Variants in ADAMTS3 observed in about 807,000 individuals in gnomAD.
ADAMTS3 encodes the protein ADAM metallopeptidase with thrombospondin type 1 motif 3, also known as A disintegrin and metalloproteinase with thrombospondin motifs 3.
Under a neutral mutation model 129.0 loss-of-function variants are expected in ADAMTS3, and 73 were observed. The ratio of observed to expected loss-of-function variants is 0.57; its 90% CI spans 0.47 to 0.69. The LOEUF is 0.69. ADAMTS3 is among the 30% of genes least tolerant of loss of function. The pLI is 0.00. For synonymous variants in ADAMTS3, 477 were observed against 510.8 expected (o/e 0.93, Z 0.89); for missense variants, 1,457 against 1,514.5 (o/e 0.96, Z 0.63).
At chr4:72,432,837 G>T (rs902011988) in intron 3 of ADAMTS3, among the ~76,000 whole-genome samples, 13 of 151,724 alleles carry the variant, frequency 8.6e-5, no homozygotes, top group Non-Finnish European at 1.5e-4. Flanking sequence ...TGTATTACAT[G>T]CCAAGCTTTT....
At chr4:72,567,343 G>T in intron 2 of ADAMTS3, 31 bp downstream of exon 2, 1 of 1,594,484 alleles carries the variant, frequency 6.3e-7, no homozygotes, top group South Asian at 1.1e-5. Context: ...TTCAACTTAA[G>T]ATAAGAGTGA....
At chr4:72,503,963 A>C (rs990478131) in intron 3 of ADAMTS3, among the ~76,000 whole-genome samples, 12 of 151,620 alleles carry the variant, frequency 7.9e-5, no homozygotes, top group African/African-American at 2.9e-4. Flanking sequence ...TTTTTCTCCA[A>C]CCCTTTATTT....
At chr4:72,362,569 T>G (rs1318417622) in intron 4 of ADAMTS3, among the ~76,000 whole-genome samples, 2 of 152,148 alleles carry the variant, frequency 1.3e-5, no homozygotes, top group African/African-American at 4.8e-5. Context: ...ACTGAAAATT[T>G]TCTCTGCAGA....
At chr4:72,421,806 C>A (rs1314493575) in intron 3 of ADAMTS3, among the ~76,000 whole-genome samples, 1 of 152,086 alleles carries the variant, frequency 6.6e-6, no homozygotes, top group Admixed American at 6.6e-5. Flanking sequence ...TAATATTTCT[C>A]TGAGTAGCTA....
At chr4:72,446,573 G>A (rs910549349) in intron 3 of ADAMTS3, among the ~76,000 whole-genome samples, 13 of 151,526 alleles carry the variant, frequency 8.6e-5, no homozygotes, top group East Asian at 3.9e-4. Flanking sequence ...AATAAAAAAC[G>A]GAGGATGTTT....
intron 4 of ADAMTS3, among the ~76,000 whole-genome samples, chr4:72,398,220 A>C (rs1002565919): frequency 2.0e-5 from 3 of 152,086 alleles, no homozygotes; most frequent in African/African-American, 4.8e-5. Flanking sequence ...AGGGTGCAAA[A>C]CAAAAAATGT....
intron 3 of ADAMTS3, among the ~76,000 whole-genome samples, chr4:72,508,280 TAGTTCTTTAG>T (rs1720217261): frequency 6.6e-6 from 1 of 152,174 alleles, no homozygotes; most frequent in Admixed American, 6.5e-5. Flanking sequence ...CTCATAGCAA[TAGTTCTTTAG>T]AGGCCTATAA....
intron 1 of ADAMTS3, 75 bp downstream of exon 1, chr4:72,568,619 G>T: frequency 9.1e-7 from 1 of 1,093,730 alleles, no homozygotes; most frequent in Non-Finnish European, 1.4e-6. Flanking sequence ...AAAGAGAGGA[G>T]GGTAGAGAGG....
chr4:72,541,466 G>A (rs1721321904), intron 3 of ADAMTS3, among the ~76,000 whole-genome samples: 1 of 152,166 alleles, frequency 6.6e-6, no homozygotes, highest in African/African-American at 2.4e-5. Flanking sequence ...TAAGACTTTG[G>A]GGAACTGTTG....
intron 5 of ADAMTS3, among the ~76,000 whole-genome samples, chr4:72,324,569 A>T (rs2109813385): frequency 6.6e-6 from 1 of 152,306 alleles, no homozygotes; most frequent in South Asian, 2.1e-4. Context: ...ATACATATAT[A>T]CACATGCACA....
chr4:72,309,003 T>A (rs1267522975), intron 15 of ADAMTS3, among the ~76,000 whole-genome samples: 1 of 151,996 alleles, frequency 6.6e-6, no homozygotes, highest in East Asian at 1.9e-4. Context: ...AAGTTGTATC[T>A]AAAATTTTGT....
chr4:72,394,153 C>T (rs1007838999), intron 4 of ADAMTS3, among the ~76,000 whole-genome samples: 1 of 152,128 alleles, frequency 6.6e-6, no homozygotes, highest in Admixed American at 6.6e-5. Context: ...CCCCAAAAAA[C>T]CCACAGCTGA....
At chr4:72,531,526 G>A (rs764354930) in intron 3 of ADAMTS3, among the ~76,000 whole-genome samples, 1 of 152,254 alleles carries the variant, frequency 6.6e-6, no homozygotes, top group South Asian at 2.1e-4. Context: ...ATGCAGGAGA[G>A]GGTTGGGTAA....
In ADAMTS3 at chr4:72,295,653, C is replaced by T. The variant is rs762853097; in HGVS notation, c.2723+1G>A. On this transcript the variant is annotated splice_donor_variant, in intron 19 of 21. Coordinates refer to ENST00000286657, the MANE Select transcript of ADAMTS3 (RefSeq NM_014243.3). LOFTEE classifies it high-confidence loss of function. ...ATATGATAGTTAAAATAGATGCTTACAGTGGATGTGTACACTCTTGAATAT... is the reference window on the plus strand; with the variant it reads ...ATATGATAGTTAAAATAGATGCTTATAGTGGATGTGTACACTCTTGAATAT... 1 of 1,608,298 alleles carries T rather than the reference C, an allele frequency of 6.2e-7. No individual in the cohort carries two copies. Among genetic ancestry groups the T allele is most frequent in the Non-Finnish European group, 8.5e-7 (1 of 1,176,846 alleles).
intron 5 of ADAMTS3, among the ~76,000 whole-genome samples, chr4:72,327,613 T>C (rs947594853): frequency 1.3e-4 from 20 of 152,136 alleles, no homozygotes; most frequent in African/African-American, 4.6e-4. Flanking sequence ...CAAGTACAAT[T>C]AGTACACGAG....
chr4:72,365,087 A>G (rs975085869), intron 4 of ADAMTS3, among the ~76,000 whole-genome samples: 1 of 152,230 alleles, frequency 6.6e-6, no homozygotes, highest in African/African-American at 2.4e-5. Context: ...TCAGCAAATA[A>G]TGGTTGAAGA....
At chr4:72,420,514 G>T (rs796751020) in intron 3 of ADAMTS3, among the ~76,000 whole-genome samples, 18 of 152,232 alleles carry the variant, frequency 1.2e-4, no homozygotes, top group African/African-American at 3.9e-4. Context: ...TCTCTACACT[G>T]TTGTTTCCAC....
At chr4:72,518,867 T>C (rs1020629615) in intron 3 of ADAMTS3, among the ~76,000 whole-genome samples, 3 of 151,990 alleles carry the variant, frequency 2.0e-5, no homozygotes, top group Non-Finnish European at 4.4e-5. Context: ...TGTGTGAATT[T>C]GATCCTGTCA....
intron 4 of ADAMTS3, among the ~76,000 whole-genome samples, chr4:72,378,493 A>G (rs1721192526): frequency 6.6e-6 from 1 of 152,120 alleles, no homozygotes; most frequent in African/African-American, 2.4e-5. Flanking sequence ...TCCGTTTCTG[A>G]GTACAGCCAC....
Sources: gnomAD v4.1 joint callset for allele counts (sites outside exome capture counted in the v4.1 genomes callset) on GRCh38, gnomAD v4.1.1 for gene constraint, MANE v1.5 for transcripts, NCBI Gene and HGNC (gene_info 2026-07-23, HGNC 2026-07-21) for gene names.